The following PCDHGA2 variants were observed in gnomAD, a reference collection of about 807,000 sequenced individuals.
The protein encoded by PCDHGA2 is protocadherin gamma subfamily A, 2, also known as protocadherin gamma-A2.
A neutral mutation model predicts 59.2 loss-of-function variants in PCDHGA2; 40 were observed. The observed-to-expected ratio is 0.68, with a 90% confidence interval of 0.52 to 0.88. The LOEUF is 0.88. PCDHGA2 is among the 40% of genes least tolerant of loss of function. PCDHGA2 has a pLI of 0.00. For missense variants in PCDHGA2, 1,226 were observed against 1,204.0 expected (o/e 1.02, Z -0.27); for synonymous variants, 560 against 526.0 (o/e 1.06, Z -0.89).
chr5:141,350,441 A>T (rs754364956), intron 1 of PCDHGA2: 7 of 1,610,584 alleles, frequency 4.3e-6, no homozygotes, highest in Non-Finnish European at 5.9e-6. Flanking sequence ...GGAGTTGCCA[A>T]CTCGAAAACT....
At position 141,432,673 on chromosome 5, in the gene PCDHGA2, C is replaced by A. The variant is rs770930842; in HGVS notation, c.2425-62134C>A. 5 of 1,613,922 alleles carry A rather than the reference C, an allele frequency of 3.1e-6. No homozygotes were observed. Among genetic ancestry groups the A allele is most frequent in the Non-Finnish European group, 4.2e-6 (5 of 1,179,960 alleles). On this transcript the variant is annotated intron_variant, in intron 1 of 3. Coordinates refer to ENST00000394576, the MANE Select transcript of PCDHGA2 (RefSeq NM_018915.4). This position sits in a 1 kb window ranked among gnomAD's most constrained non-coding sequence, Gnocchi z 6.0. ...GAGCCCTGCTGGACAGAGACGCGCTCAAGCAGAGCCTCGTAGTGGCCGTCC... is the reference window on the plus strand; with the variant it reads ...GAGCCCTGCTGGACAGAGACGCGCTAAAGCAGAGCCTCGTAGTGGCCGTCC...
Position 141,340,198 on chromosome 5 carries a change from C to A in PCDHGA2, c.1227C>A (p.Ala409=). ...DNYYRLVTTR[A]LDREQFSFYN... ...ACTACCGACTGGTTACAACCAGAGC[C>A]CTTGACAGGGAACAGTTTTCCTTTT... is the stretch of plus-strand genomic sequence containing the variant. The change falls in exon 1 of 4, where the codon GCC becomes GCA. Residue 409 remains alanine (A), a synonymous_variant. Transcript: ENST00000394576. 6.2e-7 allele frequency: 1 copy of A among 1,614,156 alleles called. No homozygotes were observed. The highest frequency in any genetic ancestry group is 8.5e-7 in the Non-Finnish European group (1 of 1,180,014).
In PCDHGA2 at chr5:141,394,836, T is replaced by G. The variant is rs116789057; in HGVS notation, c.2424+53441T>G. On this transcript the variant is annotated intron_variant, in intron 1 of 3. Transcript: ENST00000394576. Reference sequence around the variant, plus strand: ...CAGCATCCCCGAAGTCCTGACCGAGTTGGGCAGTCTGAAGCCTTCGGTCGA... The same window carrying G: ...CAGCATCCCCGAAGTCCTGACCGAGGTGGGCAGTCTGAAGCCTTCGGTCGA... 1,507 of 1,613,748 alleles carry G rather than the reference T, an allele frequency of 9.3e-4. 9 individuals carry two copies. The African/African-American group carries it at 0.016, about 17-fold the overall frequency.
At chr5:141,473,939 C>T (rs1301939679) in intron 1 of PCDHGA2, among the ~76,000 whole-genome samples, 2 of 152,068 alleles carry the variant, frequency 1.3e-5, no homozygotes, top group African/African-American at 2.4e-5. Context: ...TGCAGTAGCT[C>T]AGGCCTGTAG....
intron 3 of PCDHGA2, 61 bp downstream of exon 3, chr5:141,505,542 A>C: frequency 2.6e-5 from 42 of 1,604,950 alleles, no homozygotes; most frequent in Non-Finnish European, 3.2e-5. Flanking sequence ...GGTGCATCTC[A>C]CAGCCACCAT....
At chr5:141,473,501 G>C (rs1053399138) in intron 1 of PCDHGA2, among the ~76,000 whole-genome samples, 7 of 152,188 alleles carry the variant, frequency 4.6e-5, no homozygotes, top group African/African-American at 1.7e-4. Context: ...GGTGTTCTGA[G>C]AGAGCATAAC....
intron 1 of PCDHGA2, chr5:141,372,290 G>A (rs1437600694): frequency 1.9e-6 from 3 of 1,613,282 alleles, no homozygotes; most frequent in Non-Finnish European, 2.5e-6. Context: ...CGCGTACCTT[G>A]GGCGACAGGG....
chr5:141,491,982 T>G lies in PCDHGA2; in HGVS notation c.2425-2825T>G. On this transcript the variant is annotated intron_variant, in intron 1 of 3. Coordinates refer to ENST00000394576, the MANE Select transcript of PCDHGA2 (RefSeq NM_018915.4). This position sits in a 1 kb window ranked among gnomAD's most constrained non-coding sequence, Gnocchi z 6.9. Reference sequence around the variant, plus strand: ...AAAAGGCCGGGGCCTCCTTCGAGCTTCCGGTGAATTTCGGGCGATTTCCGC... The same window carrying G: ...AAAAGGCCGGGGCCTCCTTCGAGCTGCCGGTGAATTTCGGGCGATTTCCGC... The G allele has an allele frequency of 2.6e-6, 2 of 759,438 alleles. No homozygotes were observed. Among genetic ancestry groups the G allele is most frequent in the East Asian group, 3.2e-5 (1 of 31,728 alleles). The allele number at this position is 759,438 out of a possible 1,614,324, so 47.0% of individuals were successfully genotyped here. A position where few individuals can be genotyped will look rare whatever the true frequency, so the allele number is the denominator to read the frequency against.
intron 3 of PCDHGA2, among the ~76,000 whole-genome samples, chr5:141,507,760 T>G (rs2099863136): frequency 6.6e-6 from 1 of 152,202 alleles, no homozygotes; most frequent in Non-Finnish European, 1.5e-5. Context: ...GCCTCCCACC[T>G]TTGGCCCACA....
At chr5:141,376,509 T>C in intron 1 of PCDHGA2, 1 of 1,613,934 alleles carries the variant, frequency 6.2e-7, no homozygotes, top group Admixed American at 1.7e-5. Flanking sequence ...CAACTTCAGG[T>C]GAGTTTCTTT....
intron 1 of PCDHGA2, chr5:141,375,945 T>C (rs770100512): frequency 1.2e-6 from 2 of 1,613,448 alleles, no homozygotes; most frequent in Non-Finnish European, 8.5e-7. Context: ...TCAGTGGGCC[T>C]GCACACGGGC....
At chr5:141,475,315 A>G (rs766425496) in intron 1 of PCDHGA2, among the ~76,000 whole-genome samples, 2 of 152,182 alleles carry the variant, frequency 1.3e-5, no homozygotes, top group Non-Finnish European at 2.9e-5. Flanking sequence ...CCTGGTTCTT[A>G]AGAAATGAGA....
At chr5:141,422,110 T>A in intron 1 of PCDHGA2, 1 of 1,606,626 alleles carries the variant, frequency 6.2e-7, no homozygotes, top group South Asian at 1.1e-5. Flanking sequence ...AATATTCCAA[T>A]TGGATTCACA....
At chr5:141,447,370 C>A (rs2098536615) in intron 1 of PCDHGA2, among the ~76,000 whole-genome samples, 1 of 151,612 alleles carries the variant, frequency 6.6e-6, no homozygotes, top group African/African-American at 2.4e-5. Context: ...AACTCCTGAC[C>A]CTGGTGATCT....
chr5:141,366,397 C>G, intron 1 of PCDHGA2: 2 of 1,614,182 alleles, frequency 1.2e-6, no homozygotes, highest in African/African-American at 1.3e-5. Flanking sequence ...ATCTGGACCT[C>G]ACACTCTATC....
chr5:141,469,595 CAAAAT>C (rs919167679), intron 1 of PCDHGA2, among the ~76,000 whole-genome samples: 3 of 151,998 alleles, frequency 2.0e-5, no homozygotes, highest in Admixed American at 6.6e-5. Context: ...ATAAATAAAA[CAAAAT>C]AAGTAAAATA....
rs978615543 is a variant in PCDHGA2, at chr5:141,362,706, T to A, written c.2424+21311T>A. On this transcript the variant is annotated intron_variant, in intron 1 of 3. Transcript: ENST00000394576. ...TAATCTTATCTAACTGAATTTTAAG[T>A]GTTTTCTCTCTGAAGTGTGAGATTT... The A allele has an allele frequency of 3.0e-6, 3 of 988,590 alleles. No individual in the cohort carries two copies. The African/African-American group carries it at 4.9e-5, about 16-fold the overall frequency. 61.2% of individuals were successfully genotyped at this position (988,590 alleles called of 1,614,324 possible).
At position 141,489,651 on chromosome 5, in the gene PCDHGA2, G is replaced by A; in HGVS notation, c.2425-5156G>A. 6.2e-7 allele frequency: 1 copy of A among 1,614,186 alleles called. No individual in the cohort carries two copies. Among genetic ancestry groups the A allele is most frequent in the Non-Finnish European group, 8.5e-7 (1 of 1,180,032 alleles). ...ACTCTCCTAGCTTTGCCACCCCTGA[G>A]CGAGAGATGCGCATCTCAGAATCAG... On this transcript the variant is annotated intron_variant, in intron 1 of 3. Coordinates refer to ENST00000394576, the MANE Select transcript of PCDHGA2 (RefSeq NM_018915.4). The surrounding 1 kb of genome is among the most constrained non-coding windows in gnomAD (Gnocchi z 4.5).
At chr5:141,341,751 T>C (rs1757085383) in intron 1 of PCDHGA2, 1 of 417,074 alleles carries the variant, frequency 2.4e-6, no homozygotes, top group South Asian at 4.1e-5. Context: ...AATATAAAGA[T>C]TGGAGTTTAT....
Sources: gnomAD v4.1 joint callset for allele counts (sites outside exome capture counted in the v4.1 genomes callset) on GRCh38, gnomAD v4.1.1 for gene constraint, Gnocchi (gnomAD v3.1) non-coding constraint, MANE v1.5 for transcripts, NCBI Gene and HGNC (gene_info 2026-07-23, HGNC 2026-07-21) for gene names.